The following ROBO1 variants were observed in gnomAD, a reference collection of about 807,000 sequenced individuals.
The protein encoded by ROBO1 is roundabout guidance receptor 1, also known as roundabout homolog 1.
ROBO1 carries 149 observed loss-of-function variants against 195.9 expected under a neutral mutation model. That is an observed-to-expected ratio of 0.76 (90% CI 0.67 to 0.87). ROBO1 has a LOEUF of 0.87. Among genes scored for constraint, ROBO1 ranks in the 40% least tolerant of loss-of-function variants. The probability of loss-of-function intolerance (pLI) is 0.00; values close to 1 mark genes in which losing one functional copy is unlikely to be tolerated. For synonymous variants in ROBO1, 816 were observed against 733.2 expected (o/e 1.11, Z -1.82); for missense variants, 1,933 against 2,068.3 (o/e 0.93, Z 1.27).
intron 21 of ROBO1, among the ~76,000 whole-genome samples, chr3:78,643,693 A>T (rs923062693): frequency 6.6e-6 from 1 of 152,146 alleles, no homozygotes; most frequent in African/African-American, 2.4e-5. Context: ...GGTCCTATTG[A>T]TAATGGGATT....
chr3:79,099,898 T>G lies in ROBO1; in HGVS notation c.172+25558A>C, dbSNP rs988172141. ...AAATAACTCAGTCGTATGTATTATA[T>G]CCTCTGCAGAGGCCAGGGAATGAAT... On this transcript the variant is annotated intron_variant, in intron 3 of 30. Coordinates refer to ENST00000464233, the MANE Select transcript of ROBO1 (RefSeq NM_002941.4). 4.0e-5 allele frequency among the ~76,000 whole-genome samples: 6 copies of G among 151,782 alleles called. No individual in the cohort carries two copies. The Admixed American group carries it at 4.0e-4, about 10-fold the overall frequency.
At chr3:78,728,034 T>C (rs1356397932) in intron 5 of ROBO1, among the ~76,000 whole-genome samples, 1 of 152,166 alleles carries the variant, frequency 6.6e-6, no homozygotes, top group Non-Finnish European at 1.5e-5. Flanking sequence ...ACAATAAACC[T>C]CAGCCAAATC....
intron 2 of ROBO1, among the ~76,000 whole-genome samples, chr3:79,445,899 G>A (rs370906104): frequency 2.6e-5 from 4 of 151,926 alleles, no homozygotes; most frequent in East Asian, 3.9e-4. Context: ...TGATCTGCCC[G>A]CCTCAGCCTC....
intron 4 of ROBO1, among the ~76,000 whole-genome samples, chr3:78,767,116 C>T (rs931902560): frequency 1.3e-5 from 2 of 151,976 alleles, no homozygotes; most frequent in African/African-American, 2.4e-5. Context: ...TTGGTATTAG[C>T]GTGATGCTGG....
At chr3:78,978,422 C>G (rs2076926963) in intron 3 of ROBO1, among the ~76,000 whole-genome samples, 5 of 152,082 alleles carry the variant, frequency 3.3e-5, no homozygotes, top group Non-Finnish European at 5.9e-5. Flanking sequence ...AATGACAACA[C>G]TGGTATTAAT....
intron 1 of ROBO1, among the ~76,000 whole-genome samples, chr3:79,686,180 C>G (rs1411651768): frequency 6.6e-6 from 1 of 152,140 alleles, no homozygotes; most frequent in Non-Finnish European, 1.5e-5. Flanking sequence ...ACCGTTCATG[C>G]TAAAAACTCT....
intron 5 of ROBO1, among the ~76,000 whole-genome samples, chr3:78,743,736 C>T (rs1163694096): frequency 6.6e-6 from 1 of 152,160 alleles, no homozygotes; most frequent in African/African-American, 2.4e-5. Flanking sequence ...CTCAGGGTGT[C>T]TTCCACGTTG....
At chr3:79,052,153 C>A (rs1327274369) in intron 3 of ROBO1, among the ~76,000 whole-genome samples, 1 of 152,010 alleles carries the variant, frequency 6.6e-6, no homozygotes, top group Non-Finnish European at 1.5e-5. Context: ...TCACTGAATT[C>A]TTTTTCTCAG....
chr3:79,186,941 T>C (rs1282023551), intron 2 of ROBO1, among the ~76,000 whole-genome samples: 1 of 152,092 alleles, frequency 6.6e-6, no homozygotes, highest in East Asian at 1.9e-4. Context: ...AAAGCTTTAC[T>C]GCAGAAATGC....
At chr3:79,122,370 T>A (rs921324308) in intron 3 of ROBO1, among the ~76,000 whole-genome samples, 2 of 152,050 alleles carry the variant, frequency 1.3e-5, no homozygotes, top group South Asian at 2.1e-4. Flanking sequence ...AGAGTGAAAC[T>A]GAAATATTTC....
rs551393973 is a variant in ROBO1 at position 79,708,752 on chromosome 3, A to C, written c.-51+59000T>G. 3.9e-5 allele frequency among the ~76,000 whole-genome samples: 6 copies of C among 152,288 alleles called. No homozygotes were observed. In the South Asian group the frequency reaches 1.2e-3, roughly 32 times the overall value. On this transcript the variant is annotated intron_variant, in intron 1 of 30. Transcript: ENST00000464233. ...TGGTGTTTTGTGCATGTGGAGTCTT[A>C]ACTATTCAGGAGGCTGAGGTGGAAG...
intron 2 of ROBO1, among the ~76,000 whole-genome samples, chr3:79,290,478 C>T (rs1349075595): frequency 1.3e-5 from 2 of 152,130 alleles, no homozygotes; most frequent in African/African-American, 2.4e-5. Flanking sequence ...ATAGTATTCT[C>T]TTACTATGCA....
chr3:78,888,548 C>T (rs1410543058), intron 4 of ROBO1, among the ~76,000 whole-genome samples: 2 of 152,114 alleles, frequency 1.3e-5, no homozygotes, highest in African/African-American at 4.8e-5. Context: ...TTTTTAGAAA[C>T]TTAGTTAAAA....
chr3:79,690,186 A>G (rs1332704459), intron 1 of ROBO1, among the ~76,000 whole-genome samples: 1 of 151,974 alleles, frequency 6.6e-6, no homozygotes, highest in African/African-American at 2.4e-5. Flanking sequence ...AACCTTGTAA[A>G]TATACTACCT....
chr3:79,093,471 A>C (rs576820058), intron 3 of ROBO1, among the ~76,000 whole-genome samples: 1 of 152,292 alleles, frequency 6.6e-6, no homozygotes, highest in South Asian at 2.1e-4. Context: ...ATTATTTAGA[A>C]GAAAATATTA....
At chr3:79,348,435 G>A (rs1212225675) in intron 2 of ROBO1, among the ~76,000 whole-genome samples, 3 of 152,002 alleles carry the variant, frequency 2.0e-5, no homozygotes, top group Non-Finnish European at 2.9e-5. Flanking sequence ...ACGGCTACAC[G>A]CAAAAATGAG....
At chr3:79,676,577 T>C (rs1946791166) in intron 1 of ROBO1, among the ~76,000 whole-genome samples, 1 of 152,056 alleles carries the variant, frequency 6.6e-6, no homozygotes, top group South Asian at 2.1e-4. Flanking sequence ...CTGACTATTG[T>C]TAGGTTGCTC....
At chr3:79,462,894 G>A (rs892605705) in intron 2 of ROBO1, among the ~76,000 whole-genome samples, 11 of 152,244 alleles carry the variant, frequency 7.2e-5, no homozygotes, top group South Asian at 2.1e-4. Flanking sequence ...CACAAACTGC[G>A]TATAGTATAC....
At chr3:79,306,350 G>T (rs1170387626) in intron 2 of ROBO1, among the ~76,000 whole-genome samples, 1 of 151,936 alleles carries the variant, frequency 6.6e-6, no homozygotes, top group Non-Finnish European at 1.5e-5. Context: ...CTCCAAGAAT[G>T]ATTATTTGAG....
Sources: allele counts gnomAD v4.1 joint callset (sites outside exome capture counted in the v4.1 genomes callset), GRCh38; gene constraint gnomAD v4.1.1; transcripts MANE v1.5; gene names NCBI Gene and HGNC (gene_info 2026-07-23, HGNC 2026-07-21).